Variants in TDRD1 observed in about 807,000 individuals in gnomAD.
TDRD1 encodes the protein tudor domain-containing protein 1.
Under a neutral mutation model 140.6 loss-of-function variants are expected in TDRD1, and 37 were observed. The ratio of observed to expected loss-of-function variants is 0.26; its 90% CI spans 0.20 to 0.35. The LOEUF is 0.35. Among genes scored for constraint, TDRD1 ranks in the 10% least tolerant of loss-of-function variants. TDRD1 has a pLI of 1.00. For synonymous variants in TDRD1, 506 were observed against 475.7 expected (o/e 1.06, Z -0.83); for missense variants, 1,243 against 1,393.0 (o/e 0.89, Z 1.71).
At chr10:114,182,568 A>T (rs2033158047) in intron 1 of TDRD1, among the ~76,000 whole-genome samples, 1 of 152,182 alleles carries the variant, frequency 6.6e-6, no homozygotes, top group African/African-American at 2.4e-5. Context: ...TCATAGCCTG[A>T]TGTGCTTCTC....
At chr10:114,186,376 G>A (rs2033525478) in intron 1 of TDRD1, among the ~76,000 whole-genome samples, 1 of 152,028 alleles carries the variant, frequency 6.6e-6, no homozygotes, top group South Asian at 2.1e-4. Flanking sequence ...CCATTCTCCT[G>A]CCTCAGCCTC....
intron 13 of TDRD1, among the ~76,000 whole-genome samples, chr10:114,211,654 C>T (rs2035492294): frequency 6.6e-6 from 1 of 152,176 alleles, no homozygotes; most frequent in South Asian, 2.1e-4. Flanking sequence ...CTAATGATTA[C>T]AGCGTAAGAC....
exon 15 of TDRD1, chr10:114,213,428 G>A (rs2035613414): frequency 1.2e-6 from 2 of 1,614,078 alleles, no homozygotes; most frequent in Non-Finnish European, 1.7e-6. Context: ...TAATCACAGT[G>A]AAAGTGGTGG....
intron 7 of TDRD1, 51 bp downstream of exon 7, chr10:114,203,227 T>G: frequency 6.6e-7 from 1 of 1,515,890 alleles, no homozygotes; most frequent in Non-Finnish European, 9.0e-7. Context: ...GAACTGTATT[T>G]ATTCTCGTTT....
chr10:114,192,230 T>A (rs2034016545), intron 3 of TDRD1, among the ~76,000 whole-genome samples: 1 of 151,446 alleles, frequency 6.6e-6, no homozygotes, highest in Non-Finnish European at 1.5e-5. Context: ...ACTTTAAAAC[T>A]GTTTGATACT....
upstream of TDRD1, among the ~76,000 whole-genome samples, chr10:114,175,129 A>G (rs2032663505): frequency 1.3e-5 from 2 of 152,230 alleles, no homozygotes; most frequent in East Asian, 3.8e-4. Flanking sequence ...AAATGAAGGT[A>G]CTACACTGAA....
chr10:114,220,396 TG>T (rs1486177152), intron 18 of TDRD1, among the ~76,000 whole-genome samples, 171 bp from the exon 19 acceptor site: 2 of 152,222 alleles, frequency 1.3e-5, no homozygotes, highest in East Asian at 3.8e-4. Context: ...TATTAGCAAG[TG>T]CATTATCTCT....
exon 18 of TDRD1, chr10:114,218,500 G>A (rs2035949972): frequency 1.9e-6 from 3 of 1,612,286 alleles, no homozygotes; most frequent in South Asian, 1.1e-5. Flanking sequence ...TGGAAACATC[G>A]AAGAAGTTAC....
intron 25 of TDRD1, chr10:114,228,223 A>G (rs573744245): frequency 1.9e-5 from 27 of 1,457,856 alleles, no homozygotes; most frequent in Admixed American, 1.4e-4. Context: ...AGTGAAACCT[A>G]TTGTAAGGCT....
exon 14 of TDRD1, chr10:114,211,915 A>C: frequency 6.2e-7 from 1 of 1,606,508 alleles, no homozygotes; most frequent in Non-Finnish European, 8.5e-7. Flanking sequence ...CTTCTGAAGA[A>C]TCTGTACTGG....
intron 3 of TDRD1, among the ~76,000 whole-genome samples, chr10:114,195,485 T>A (rs1262460177): frequency 6.6e-6 from 1 of 152,212 alleles, no homozygotes; most frequent in African/African-American, 2.4e-5. Flanking sequence ...CTTCATGTTT[T>A]GCAGCTGTGG....
upstream of TDRD1, among the ~76,000 whole-genome samples, chr10:114,176,318 TAATA>T (rs1470750967): frequency 2.0e-5 from 3 of 150,892 alleles, no homozygotes; most frequent in African/African-American, 7.3e-5. The surrounding 1 kb of genome is among the most constrained non-coding windows in gnomAD (Gnocchi z 4.2). Context: ...GCAGTTACTG[TAATA>T]AATAAATTGC....
intron 10 of TDRD1, among the ~76,000 whole-genome samples, 175 bp downstream of exon 10, chr10:114,205,068 T>C (rs2035013163): frequency 6.6e-6 from 1 of 152,214 alleles, no homozygotes; most frequent in South Asian, 2.1e-4. Flanking sequence ...CACAAATTCA[T>C]AGAATTAGGT....
intron 10 of TDRD1, 94 bp from the exon 11 acceptor site, chr10:114,206,150 G>C (rs2035084183): frequency 1.1e-6 from 1 of 907,932 alleles, no homozygotes; most frequent in Non-Finnish European, 1.7e-6. Context: ...CTATGAACGT[G>C]TGTTGTATGA....
chr10:114,209,549 A>G (rs956534453), intron 11 of TDRD1, among the ~76,000 whole-genome samples: 5 of 152,222 alleles, frequency 3.3e-5, no homozygotes, highest in African/African-American at 4.8e-5. Context: ...ATTTGAGCCT[A>G]TCTCTTAACT....
chr10:114,204,708 G>T lies in TDRD1; in HGVS notation c.1126-14G>T. The T allele has an allele frequency of 6.4e-7, 1 of 1,562,232 alleles. No individual in the cohort carries two copies. The highest frequency in any genetic ancestry group is 8.6e-7 in the Non-Finnish European group (1 of 1,164,558). ...ATGGTAATTTTTGTAAGTAACCTGC[G>T]TAAAATTTTTCAGGCCATAAAGTGC... On this transcript the variant is annotated splice_polypyrimidine_tract_variant and intron_variant, in intron 9 of 25. Coordinates refer to ENST00000251864, the Ensembl canonical transcript of TDRD1.
chr10:114,204,662 A>G lies in TDRD1; in HGVS notation c.1126-60A>G, dbSNP rs1479851618. 4.7e-6 allele frequency: 7 copies of G among 1,487,480 alleles called. No homozygotes were observed. In the Admixed American group the frequency reaches 7.2e-5, roughly 15 times the overall value. 92.1% of individuals were successfully genotyped at this position (1,487,480 alleles called of 1,614,324 possible). On this transcript the variant is annotated intron_variant, in intron 9 of 25. Transcript: ENST00000251864. ...AAATACATTCTTTTATATACAAATA[A>G]TTAGAAAAAATCATTTTTAAATGGT...
At chr10:114,185,745 G>A (rs2033466665) in intron 1 of TDRD1, among the ~76,000 whole-genome samples, 1 of 150,508 alleles carries the variant, frequency 6.6e-6, no homozygotes, top group South Asian at 2.1e-4. Context: ...ACACCACCAC[G>A]CCTGGCTAAT....
chr10:114,180,488 A>G (rs1484273466), intron 1 of TDRD1, among the ~76,000 whole-genome samples: 1 of 152,010 alleles, frequency 6.6e-6, no homozygotes, highest in Non-Finnish European at 1.5e-5. Context: ...TCTTTGAGTA[A>G]GAGTTTCACT....
Sources: allele counts gnomAD v4.1 joint callset (sites outside exome capture counted in the v4.1 genomes callset), GRCh38; gene constraint gnomAD v4.1.1; non-coding constraint Gnocchi (gnomAD v3.1); transcripts MANE v1.5; gene names NCBI Gene and HGNC (gene_info 2026-07-23, HGNC 2026-07-21).